The following PPP1R12A variants were observed in gnomAD, a reference collection of about 807,000 sequenced individuals.
PPP1R12A encodes myosin binding subunit.
A neutral mutation model predicts 139.6 loss-of-function variants in PPP1R12A; 19 were observed. The ratio of observed to expected loss-of-function variants is 0.14; its 90% confidence interval spans 0.09 to 0.20. The LOEUF is 0.20. PPP1R12A is among the 10% of genes least tolerant of loss of function. The pLI is 1.00. For synonymous variants in PPP1R12A, 427 were observed against 420.6 expected (o/e 1.02, Z -0.19); for missense variants, 925 against 1,211.5 (o/e 0.76, Z 3.51).
intron 15 of PPP1R12A, 30 bp downstream of exon 15, chr12:79,798,464 A>G: frequency 7.3e-7 from 1 of 1,376,094 alleles, no homozygotes; most frequent in Non-Finnish European, 1.0e-6. Context: ...TACTTATGTA[A>G]GTTTTATATA....
intron 1 of PPP1R12A, among the ~76,000 whole-genome samples, chr12:79,915,047 A>G (rs1886884633): frequency 6.6e-6 from 1 of 152,132 alleles, no homozygotes; most frequent in South Asian, 2.1e-4. Context: ...TAACTAATAT[A>G]TGCACAAAAT....
Position 79,806,303 on chromosome 12 carries a change from C to T in PPP1R12A, c.1686G>A (p.Leu562=). The T allele has an allele frequency of 6.2e-7, 1 of 1,613,718 alleles. No individual in the cohort carries two copies. Among genetic ancestry groups the T allele is most frequent in the Non-Finnish European group, 8.5e-7 (1 of 1,179,732 alleles). Residue 562 remains leucine, a synonymous_variant, in exon 13 of 25, where the codon TTG becomes TTA. Transcript: ENST00000450142. ...SCSFGRRQDD[L]ISSSVPSTTS... ...TGGTGCTTGGAACACTAGAACTAAT[C>T]AAATCATCTTGTCTTCTACCAAAGG...
chr12:79,803,602 C>T lies in PPP1R12A; in HGVS notation c.2000+1990G>A, dbSNP rs191903417. On this transcript the variant is annotated intron_variant, in intron 14 of 24. Coordinates refer to ENST00000450142, the MANE Select transcript of PPP1R12A (RefSeq NM_002480.3). ...ATCATATACATTTCAGAACCACTGA[C>T]GAAATTTAAATAAAAGACAAAGAGA... is the stretch of plus-strand genomic sequence containing the variant. Among the ~76,000 whole-genome samples the T allele has an allele frequency of 2.6e-4, 39 of 151,996 alleles. No individual in the cohort carries two copies. In the East Asian group the frequency reaches 7.1e-3, roughly 28 times the overall value.
chr12:79,869,053 CT>C (rs1882289206), intron 2 of PPP1R12A, among the ~76,000 whole-genome samples: 1 of 152,186 alleles, frequency 6.6e-6, no homozygotes, highest in Non-Finnish European at 1.5e-5. Flanking sequence ...TTTATTTGTC[CT>C]CCATTCCATT....
chr12:79,885,303 G>A (rs1364558389), intron 1 of PPP1R12A, among the ~76,000 whole-genome samples: 2 of 151,916 alleles, frequency 1.3e-5, no homozygotes, highest in African/African-American at 4.8e-5. Flanking sequence ...AGAAATATAT[G>A]AATATATACA....
intron 11 of PPP1R12A, among the ~76,000 whole-genome samples, chr12:79,807,631 T>G (rs950922546): frequency 6.6e-6 from 1 of 152,018 alleles, no homozygotes; most frequent in Non-Finnish European, 1.5e-5. Context: ...TAGTATGTTA[T>G]GTGCCGACAA....
intron 3 of PPP1R12A, among the ~76,000 whole-genome samples, chr12:79,833,768 T>C (rs10862018): frequency 0.11 from 16,543 of 144,378 alleles, 1,719 homozygotes; most frequent in African/African-American, 0.28. Flanking sequence ...GTCCAGGAGA[T>C]GGAGGATGCA....
At chr12:79,916,654 A>G (rs1361397953) in intron 1 of PPP1R12A, among the ~76,000 whole-genome samples, 2 of 152,164 alleles carry the variant, frequency 1.3e-5, no homozygotes, top group African/African-American at 4.8e-5. Flanking sequence ...CCAGAATTCC[A>G]TTATTTGCTT....
Position 79,775,917 on chromosome 12 carries a change from C to CT in PPP1R12A, c.*11dup, listed in dbSNP as rs369362742. 36,230 of 1,242,714 alleles carry CT rather than the reference C, an allele frequency of 0.029. 1 individual carries two copies. The highest frequency in any genetic ancestry group is 0.032 in the Non-Finnish European group (28,882 of 898,336). The allele number at this position is 1,242,714 out of a possible 1,614,324, so 77.0% of individuals were successfully genotyped here. On this transcript the variant is annotated 3_prime_UTR_variant, in exon 25 of 25. Transcript: ENST00000450142. Reference sequence around the variant, plus strand: ...ATATGTGCAATTCCATTACTTGCTGCTTTTTTTTTTTTTATTTGGAAAGTT... The same window carrying CT: ...ATATGTGCAATTCCATTACTTGCTGCTTTTTTTTTTTTTTATTTGGAAAGTT...
intron 9 of PPP1R12A, among the ~76,000 whole-genome samples, chr12:79,811,378 CG>C (rs1271813770): frequency 6.6e-6 from 1 of 152,102 alleles, no homozygotes; most frequent in East Asian, 1.9e-4. Context: ...AACAAAATCA[CG>C]GGGGCTCTGT....
rs544689277 is a variant in PPP1R12A, at chr12:79,866,840, G to A, written c.368+5968C>T. On this transcript the variant is annotated intron_variant, in intron 2 of 24. Transcript: ENST00000450142. Reference sequence around the variant, plus strand: ...AACAACAGATGCTGGAGAGGTTGTGGAAAAACAGGAATGCTTTTACACTGT... The same window carrying A: ...AACAACAGATGCTGGAGAGGTTGTGAAAAAACAGGAATGCTTTTACACTGT... Among the ~76,000 whole-genome samples the A allele has an allele frequency of 3.8e-3, 578 of 152,304 alleles. 2 individuals carry two copies. The highest frequency in any genetic ancestry group is 0.013 in the African/African-American group (548 of 41,568).
chr12:79,874,533 T>A (rs1046546306), intron 1 of PPP1R12A, among the ~76,000 whole-genome samples: 7 of 152,112 alleles, frequency 4.6e-5, no homozygotes, highest in African/African-American at 1.7e-4. Flanking sequence ...ATTGTTATTT[T>A]TAAATGAATT....
chr12:79,915,919 T>C (rs1004837481), intron 1 of PPP1R12A, among the ~76,000 whole-genome samples: 2 of 152,010 alleles, frequency 1.3e-5, no homozygotes, highest in Admixed American at 6.6e-5. Flanking sequence ...AACAAGAGCC[T>C]TTCCATGTGC....
chr12:79,924,954 T>C (rs1420960690), intron 1 of PPP1R12A, among the ~76,000 whole-genome samples: 1 of 152,214 alleles, frequency 6.6e-6, no homozygotes, highest in African/African-American at 2.4e-5. Context: ...GAAAATATCA[T>C]GTAATCACGG....
At chr12:79,781,930 T>C in intron 22 of PPP1R12A, 68 bp from the exon 23 acceptor site, 1 of 862,448 alleles carries the variant, frequency 1.2e-6, no homozygotes, top group South Asian at 1.7e-5. Context: ...ACAGTAATTC[T>C]CTTTTAATAG....
chr12:79,825,457 A>C (rs921072384), intron 5 of PPP1R12A: 9 of 152,056 alleles, frequency 5.9e-5, no homozygotes, highest in Non-Finnish European at 1.3e-4. Context: ...TCTGTATCAC[A>C]TAATTTATAA....
chr12:79,829,555 T>C (rs1448193980), intron 4 of PPP1R12A, among the ~76,000 whole-genome samples: 4 of 152,082 alleles, frequency 2.6e-5, no homozygotes, highest in East Asian at 1.9e-4. Flanking sequence ...TGATCTATAT[T>C]CTTAATAAGT....
At chr12:79,785,860 T>G (rs534029732) in intron 22 of PPP1R12A, among the ~76,000 whole-genome samples, 167 of 152,322 alleles carry the variant, frequency 1.1e-3, no homozygotes, top group African/African-American at 3.6e-3. Context: ...CTAGATCATA[T>G]GTACAAGGTT....
At chr12:79,843,914 A>G (rs1252924048) in intron 3 of PPP1R12A, among the ~76,000 whole-genome samples, 1 of 152,034 alleles carries the variant, frequency 6.6e-6, no homozygotes, top group African/African-American at 2.4e-5. Flanking sequence ...CATGTTGGTC[A>G]GGCTGGTCTC....
Sources: gnomAD v4.1 joint callset for allele counts (sites outside exome capture counted in the v4.1 genomes callset) on GRCh38, gnomAD v4.1.1 for gene constraint, MANE v1.5 for transcripts, NCBI Gene and HGNC (gene_info 2026-07-23, HGNC 2026-07-21) for gene names.